The following ZNF140 variants were observed in gnomAD, a reference collection of about 807,000 sequenced individuals.
The protein encoded by ZNF140 is zinc finger protein 140.
ZNF140 carries 13 observed loss-of-function variants against 12.9 expected under a neutral mutation model. The observed-to-expected ratio is 1.01, with a 90% confidence interval of 0.66 to 1.60. The LOEUF (loss-of-function observed/expected upper bound fraction) is 1.60. Ranked by LOEUF, ZNF140 falls within the 40% of genes most tolerant of loss-of-function variation. ZNF140 has a pLI of 0.00. For missense variants in ZNF140, 531 were observed against 548.8 expected (o/e 0.97, Z 0.32); for synonymous variants, 214 against 186.7 (o/e 1.15, Z -1.19).
intron 4 of ZNF140, among the ~76,000 whole-genome samples, chr12:133,090,714 T>TATTA (rs1566307112): frequency 6.7e-6 from 1 of 148,600 alleles, no homozygotes; most frequent in Non-Finnish European, 1.5e-5. Context: ...CCTCAGTTTT[T>TATTA]ATTATTATTT....
At chr12:133,089,743 A>G (rs1009953036) in intron 4 of ZNF140, among the ~76,000 whole-genome samples, 18 of 152,266 alleles carry the variant, frequency 1.2e-4, no homozygotes, top group Admixed American at 3.3e-4. Context: ...TTTTTTTCTT[A>G]ATTAGCCTGG....
chr12:133,081,223 G>A, intron 1 of ZNF140, 50 bp from the exon 2 acceptor site: 1 of 931,222 alleles, frequency 1.1e-6, no homozygotes, highest in Non-Finnish European at 1.7e-6. Flanking sequence ...AGTGACTTGG[G>A]CGCGGCCTAG....
intron 4 of ZNF140, among the ~76,000 whole-genome samples, chr12:133,104,590 A>G (rs1334160078): frequency 1.3e-5 from 2 of 152,018 alleles, no homozygotes; most frequent in African/African-American, 4.8e-5. Flanking sequence ...TGACCTCATG[A>G]TCTGCCCGCC....
intron 4 of ZNF140, among the ~76,000 whole-genome samples, chr12:133,104,612 A>G (rs1186753017): frequency 6.6e-6 from 1 of 152,130 alleles, no homozygotes; most frequent in African/African-American, 2.4e-5. Context: ...TGGCCTCCCA[A>G]AGTGCTGAGA....
Position 133,083,471 on chromosome 12 carries a change from T to G in ZNF140, c.142T>G (p.Ser48Ala). Reference sequence around the variant, plus strand: ...ATTTCATTTTCTGCAAGCAGGTCTTTCCATTTCTAAGCCAGATGTGGTTTC... The same window carrying G: ...ATTTCATTTTCTGCAAGCAGGTCTTGCCATTTCTAAGCCAGATGTGGTTTC... ...NYGHLVSLGLSISKPDVVSLL... is the reference protein window; with the variant it reads ...NYGHLVSLGLAISKPDVVSLL... Residue 48 changes from serine to alanine, a missense_variant, in exon 4 of 5, where the codon TCC becomes GCC. Transcript: ENST00000355557. 1 of 1,611,482 alleles carries G rather than the reference T, an allele frequency of 6.2e-7. No individual in the cohort carries two copies. The highest frequency in any genetic ancestry group is 8.5e-7 in the Non-Finnish European group (1 of 1,179,284).
chr12:133,090,965 CT>C (rs1954851159), intron 4 of ZNF140, among the ~76,000 whole-genome samples: 5 of 147,068 alleles, frequency 3.4e-5, no homozygotes, highest in Non-Finnish European at 4.5e-5. Flanking sequence ...GGCGGTTTTG[CT>C]ACTATCTCAG....
chr12:133,106,146 G>A lies in ZNF140; in HGVS notation c.869G>A (p.Arg290His), dbSNP rs369716144. The A allele has an allele frequency of 1.8e-4, 287 of 1,614,022 alleles. No homozygotes were observed. Among genetic ancestry groups the A allele is most frequent in the South Asian group, 9.9e-4 (90 of 91,074 alleles). ...KAFSSGSELI[R>H]HQITHTGEKP... ...TTTAGCAGTGGCTCAGAACTCATTCGCCACCAGATTACACATACTGGAGAG... is the reference window on the plus strand; with the variant it reads ...TTTAGCAGTGGCTCAGAACTCATTCACCACCAGATTACACATACTGGAGAG... Residue 290 changes from arginine to histidine, a missense_variant, in exon 5 of 5, where the codon CGC (arginine) becomes CAC (histidine). Arg to His is a conservative substitution (Grantham distance 29). Transcript: ENST00000355557.
intron 4 of ZNF140, among the ~76,000 whole-genome samples, chr12:133,098,193 T>A (rs1955209747): frequency 6.6e-6 from 1 of 152,174 alleles, no homozygotes; most frequent in Non-Finnish European, 1.5e-5. Context: ...TTTCTTAGCA[T>A]ATTGATTATA....
In ZNF140 at chr12:133,084,687, GAT is replaced by G. The variant is rs200185468; in HGVS notation, c.232+1127_232+1128del. 9.8e-5 allele frequency among the ~76,000 whole-genome samples: 15 copies of G among 152,326 alleles called. 1 individual carries two copies. In the East Asian group the frequency reaches 2.7e-3, roughly 27 times the overall value. On this transcript the variant is annotated intron_variant, in intron 4 of 4. Coordinates refer to ENST00000355557, the MANE Select transcript of ZNF140 (RefSeq NM_003440.4). Reference sequence around the variant, plus strand: ...AGCACATGTTTAATGGAGGTACACTGATTTTTAGAGAGAAAAGGAGGAATGCG... The same window carrying G: ...AGCACATGTTTAATGGAGGTACACTGTTTTAGAGAGAAAAGGAGGAATGCG...
chr12:133,100,168 T>A (rs1303989250), intron 4 of ZNF140, among the ~76,000 whole-genome samples: 1 of 134,284 alleles, frequency 7.4e-6, no homozygotes, highest in Non-Finnish European at 1.6e-5. Flanking sequence ...CCGTTTTTTT[T>A]TTTTTTTTTT....
At chr12:133,082,936 C>A in intron 2 of ZNF140, 167 bp from the exon 3 acceptor site, 2 of 925,856 alleles carry the variant, frequency 2.2e-6, no homozygotes, top group Non-Finnish European at 3.1e-6. Flanking sequence ...TACAACAAAA[C>A]ACAAGAGCTA....
At position 133,083,217 on chromosome 12, in the gene ZNF140, C is replaced by T. The variant is rs1190131536; in HGVS notation, c.124C>T (p.Leu42=). The change falls in exon 3 of 5, where the codon CTG becomes TTG. Residue 42 remains leucine (L), a synonymous_variant. Coordinates refer to ENST00000355557, the MANE Select transcript of ZNF140 (RefSeq NM_003440.4). ...TGTAATGTTGGAGAACTATGGCCAT[C>T]TGGTCTCACTGGGTAAGTATTCTTC... ...RCVMLENYGH[L]VSLGLSISKP... The T allele has an allele frequency of 1.2e-6, 2 of 1,612,722 alleles. No homozygotes were observed. The highest frequency in any genetic ancestry group is 1.7e-6 in the Non-Finnish European group (2 of 1,178,930).
At chr12:133,100,399 C>T (rs1414952251) in intron 4 of ZNF140, among the ~76,000 whole-genome samples, 1 of 152,040 alleles carries the variant, frequency 6.6e-6, no homozygotes, top group Admixed American at 6.6e-5. Flanking sequence ...AACTTCTGGC[C>T]TCAAGCACTT....
chr12:133,088,480 T>C (rs1021411393), intron 4 of ZNF140, among the ~76,000 whole-genome samples: 7 of 152,262 alleles, frequency 4.6e-5, no homozygotes, highest in African/African-American at 1.7e-4. Flanking sequence ...ATTGTCTGCA[T>C]GTACTGCAGT....
Position 133,081,267 on chromosome 12 carries a change from T to C in ZNF140, c.-48-6T>C. The stretch of plus-strand genomic sequence containing the variant: ...TTCGCTCAGGGCTCCTTTCTCTCTC[T>C]GCCAGGTCTGCCATTTTACACTTTT... On this transcript the variant is annotated splice_polypyrimidine_tract_variant and splice_region_variant and intron_variant, in intron 1 of 4. Coordinates refer to ENST00000355557, the MANE Select transcript of ZNF140 (RefSeq NM_003440.4). The C allele has an allele frequency of 6.6e-7, 1 of 1,526,196 alleles. No homozygotes were observed. The highest frequency in any genetic ancestry group is 1.8e-5 in the Admixed American group (1 of 56,864). The allele number at this position is 1,526,196 out of a possible 1,614,324, so 94.5% of individuals were successfully genotyped here.
rs370803026 is a variant in ZNF140 at position 133,105,222 on chromosome 12, TGAA to T, written c.233-282_233-280del. 4.5e-3 allele frequency among the ~76,000 whole-genome samples: 684 copies of T among 152,332 alleles called. 3 individuals are homozygous for T. The highest frequency in any genetic ancestry group is 0.015 in the African/African-American group (619 of 41,582). ...GCAGTAAATACCGTTTAAATGGTGG[TGAA>T]GAAGACTAGCAACCTATCCTTCACA... On this transcript the variant is annotated intron_variant, in intron 4 of 4. Coordinates refer to ENST00000355557, the MANE Select transcript of ZNF140 (RefSeq NM_003440.4).
chr12:133,103,772 G>T, intron 4 of ZNF140, among the ~76,000 whole-genome samples: 1 of 151,828 alleles, frequency 6.6e-6, no homozygotes, highest in East Asian at 1.9e-4. Flanking sequence ...TTTCTTCTGT[G>T]TTCTCTTTCC....
intron 4 of ZNF140, among the ~76,000 whole-genome samples, chr12:133,102,302 T>C (rs1955377105): frequency 6.6e-6 from 1 of 152,212 alleles, no homozygotes; most frequent in Non-Finnish European, 1.5e-5. Flanking sequence ...CATAATTTCC[T>C]TCTTCCTGTA....
At position 133,106,786 on chromosome 12, in the gene ZNF140, T is replaced by C; in HGVS notation, c.*135T>C. The C allele has an allele frequency of 1.3e-6, 1 of 746,978 alleles. No homozygotes were observed. The highest frequency in any genetic ancestry group is 2.0e-6 in the Non-Finnish European group (1 of 507,858). The allele number at this position is 746,978 out of a possible 1,614,324, so 46.3% of individuals were successfully genotyped here. On this transcript the variant is annotated 3_prime_UTR_variant, in exon 5 of 5. Transcript: ENST00000355557. Reference sequence around the variant, plus strand: ...TGAAGTAATATGGCCCACACTTTATTCACCACCCTGGAGAAAAAAAAACCC... The same window carrying C: ...TGAAGTAATATGGCCCACACTTTATCCACCACCCTGGAGAAAAAAAAACCC...
Sources: allele counts gnomAD v4.1 joint callset (sites outside exome capture counted in the v4.1 genomes callset), GRCh38; gene constraint gnomAD v4.1.1; transcripts MANE v1.5; gene names NCBI Gene and HGNC (gene_info 2026-07-23, HGNC 2026-07-21).